Variants in CNIH3 observed in about 807,000 individuals in gnomAD.
CNIH3 encodes the protein cornichon family AMPA receptor auxiliary protein 3.
In CNIH3, 14 loss-of-function variants were observed where a neutral mutation model predicts 24.1. The observed-to-expected ratio is 0.58, with a 90% CI of 0.38 to 0.91. The LOEUF (loss-of-function observed/expected upper bound fraction) is 0.91, where lower values mean the gene tolerates loss of function less well. Ranked by LOEUF, CNIH3 falls within the 40% of genes least tolerant of loss-of-function variation. CNIH3 has a pLI of 0.00. For missense variants in CNIH3, 178 were observed against 196.8 expected (o/e 0.90, Z 0.57); for synonymous variants, 68 against 73.8 (o/e 0.92, Z 0.40).
chr1:224,646,303 A>G (rs1684603965), intron 1 of CNIH3, among the ~76,000 whole-genome samples: 1 of 152,210 alleles, frequency 6.6e-6, no homozygotes, highest in South Asian at 2.1e-4. Context: ...GTTAATACAG[A>G]CAGTTTATCT....
chr1:224,681,597 C>T (rs888043619), intron 2 of CNIH3, among the ~76,000 whole-genome samples: 2 of 152,170 alleles, frequency 1.3e-5, no homozygotes, highest in African/African-American at 2.4e-5. Context: ...CCCCAGCATG[C>T]GTGGTGCCTG....
At chr1:224,570,831 A>G (rs565084561) in intron 4 of CNIH3, among the ~76,000 whole-genome samples, 2 of 152,068 alleles carry the variant, frequency 1.3e-5, no homozygotes, top group African/African-American at 4.8e-5. Flanking sequence ...TTAGCCTTTC[A>G]TGTTTAGGCC....
chr1:224,550,966 T>G (rs933827425), intron 3 of CNIH3, among the ~76,000 whole-genome samples: 1 of 151,698 alleles, frequency 6.6e-6, no homozygotes, highest in Non-Finnish European at 1.5e-5. Flanking sequence ...TGGTTTTTTG[T>G]CCTTGCGATA....
At chr1:224,443,711 A>ATATATATATATTT (rs1329474503) in intron 1 of CNIH3, among the ~76,000 whole-genome samples, 1 of 149,454 alleles carries the variant, frequency 6.7e-6, no homozygotes. Flanking sequence ...ATATATATAT[A>ATATATATATATTT]TTTTTTTAGG....
At chr1:224,515,355 A>C (rs919290609), upstream of CNIH3, among the ~76,000 whole-genome samples, 1 of 152,254 alleles carries the variant, frequency 6.6e-6, no homozygotes, top group African/African-American at 2.4e-5. Flanking sequence ...AAAATGGTAA[A>C]GAAAAGGAAA....
At chr1:224,722,374 C>T (rs889547718) in intron 3 of CNIH3, among the ~76,000 whole-genome samples, 9 of 152,164 alleles carry the variant, frequency 5.9e-5, no homozygotes, top group Admixed American at 2.0e-4. Flanking sequence ...GCATTTGTAA[C>T]AAGTGCTCTA....
intron 3 of CNIH3, among the ~76,000 whole-genome samples, chr1:224,608,578 GAA>G: frequency 6.6e-6 from 1 of 152,338 alleles, no homozygotes; most frequent in South Asian, 2.1e-4. Flanking sequence ...ACAATATCTG[GAA>G]TCTATAGATA....
chr1:224,546,324 G>T (rs1179007221), intron 2 of CNIH3, among the ~76,000 whole-genome samples: 3 of 152,152 alleles, frequency 2.0e-5, no homozygotes, highest in African/African-American at 7.2e-5. Context: ...GAAATGGTTT[G>T]CAAACAAAAA....
At chr1:224,652,792 G>A (rs1050704785) in intron 1 of CNIH3, among the ~76,000 whole-genome samples, 1 of 152,238 alleles carries the variant, frequency 6.6e-6, no homozygotes, top group African/African-American at 2.4e-5. Context: ...GCACGAATTG[G>A]TGGGGCTGAG....
intron 2 of CNIH3, among the ~76,000 whole-genome samples, chr1:224,534,239 G>A (rs1236718100): frequency 6.6e-6 from 1 of 152,178 alleles, no homozygotes; most frequent in Non-Finnish European, 1.5e-5. Flanking sequence ...CATCTGCTAA[G>A]CAAATTACTG....
chr1:224,516,471 G>T (rs191856485), intron 1 of CNIH3, among the ~76,000 whole-genome samples: 6 of 152,222 alleles, frequency 3.9e-5, no homozygotes, highest in Admixed American at 3.9e-4. Flanking sequence ...ACCTTAGAGG[G>T]CAGGTATGGC....
chr1:224,481,617 C>T (rs1676817078), intron 1 of CNIH3, among the ~76,000 whole-genome samples: 1 of 152,130 alleles, frequency 6.6e-6, no homozygotes, highest in South Asian at 2.1e-4. Context: ...GTTTCTCTCT[C>T]TGTGCTGAGA....
chr1:224,457,275 CTGTGTGTG>C (rs1168012940), intron 1 of CNIH3, among the ~76,000 whole-genome samples: 15 of 42,702 alleles, frequency 3.5e-4, no homozygotes, highest in African/African-American at 5.8e-4. Context: ...CTCTCTCTCT[CTGTGTGTG>C]TGTGTGTGTG....
At chr1:224,553,547 CT>C (rs534266593) in intron 3 of CNIH3, among the ~76,000 whole-genome samples, 2 of 151,978 alleles carry the variant, frequency 1.3e-5, no homozygotes, top group Non-Finnish European at 2.9e-5. Context: ...AATTTCATTC[CT>C]TTTAGATTGT....
At chr1:224,492,822 T>G (rs1315579680) in intron 1 of CNIH3, among the ~76,000 whole-genome samples, 1 of 152,150 alleles carries the variant, frequency 6.6e-6, no homozygotes, top group Non-Finnish European at 1.5e-5. Flanking sequence ...CCTGTTACAG[T>G]TTTTATTGCA....
chr1:224,633,376 C>T (rs760122216), intron 1 of CNIH3, among the ~76,000 whole-genome samples: 4 of 152,104 alleles, frequency 2.6e-5, no homozygotes, highest in Non-Finnish European at 5.9e-5. Context: ...CCAGGCTGAT[C>T]TTGAATTCCT....
chr1:224,570,290 C>T (rs1680762637), intron 4 of CNIH3, among the ~76,000 whole-genome samples: 1 of 152,192 alleles, frequency 6.6e-6, no homozygotes, highest in African/African-American at 2.4e-5. Flanking sequence ...AGCATAGTAC[C>T]CAATAGTTAG....
At chr1:224,511,398 T>G (rs6678608), upstream of CNIH3, among the ~76,000 whole-genome samples, 1 of 152,194 alleles carries the variant, frequency 6.6e-6, no homozygotes, top group African/African-American at 2.4e-5. Flanking sequence ...AAAGCCACTA[T>G]GTAAATAGCT....
intron 1 of CNIH3, among the ~76,000 whole-genome samples, chr1:224,626,441 G>A (rs1683528981): frequency 6.6e-6 from 1 of 152,200 alleles, no homozygotes; most frequent in Admixed American, 6.5e-5. Flanking sequence ...GGCATAGAAA[G>A]AGAAGCAAAC....
Sources: allele counts gnomAD v4.1 joint callset (sites outside exome capture counted in the v4.1 genomes callset), GRCh38; gene constraint gnomAD v4.1.1; transcripts MANE v1.5; gene names NCBI Gene and HGNC (gene_info 2026-07-23, HGNC 2026-07-21).